Variants in GEMIN5 observed in about 807,000 individuals in gnomAD.
The protein encoded by GEMIN5 is gem nuclear organelle associated protein 5.
In GEMIN5, 124 loss-of-function variants were observed where a neutral mutation model predicts 176.9. The ratio of observed to expected loss-of-function variants is 0.70; its 90% CI spans 0.61 to 0.81. The LOEUF is 0.81. Among genes scored for constraint, GEMIN5 ranks in the 40% least tolerant of loss-of-function variants. The pLI is 0.00. For missense variants in GEMIN5, 1,843 were observed against 1,814.6 expected, an observed-to-expected ratio of 1.02 and a Z score of -0.28; for synonymous variants, 673 against 665.2, an observed-to-expected ratio of 1.01 and a Z score of -0.18.
intron 23 of GEMIN5, among the ~76,000 whole-genome samples, chr5:154,897,724 C>T (rs816742): frequency 0.98 from 149,866 of 152,242 alleles, 73,773 homozygotes; most frequent in African/African-American, 1. Context: ...TAATCTCAAG[C>T]GATCTGCTGC....
chr5:154,927,103 C>A (rs1764056558), intron 7 of GEMIN5, among the ~76,000 whole-genome samples: 1 of 152,020 alleles, frequency 6.6e-6, no homozygotes, highest in Admixed American at 6.6e-5. Flanking sequence ...TAAAACCATC[C>A]TGAGCTGTGG....
chr5:154,899,312 T>TA lies in GEMIN5; in HGVS notation c.3015-3dup, dbSNP rs1763419028. On this transcript the variant is annotated splice_polypyrimidine_tract_variant and splice_region_variant and intron_variant, in intron 21 of 27. Coordinates refer to ENST00000285873, the MANE Select transcript of GEMIN5 (RefSeq NM_015465.5). The stretch of plus-strand genomic sequence containing the variant: ...GCCTTGGCAATCGCAATAGCTTCCC[T>TA]AAAGGCAAGAACAGACCCTTTAGCC... The TA allele has an allele frequency of 1.2e-6, 2 of 1,610,210 alleles. No individual in the cohort carries two copies. Among genetic ancestry groups the TA allele is most frequent in the Middle Eastern group, 1.7e-4 (1 of 6,052 alleles).
chr5:154,917,869 C>G, intron 12 of GEMIN5, 62 bp downstream of exon 12: 1 of 1,046,512 alleles, frequency 9.6e-7, no homozygotes, highest in Admixed American at 1.7e-5. Context: ...TGGCATTAGT[C>G]AGCTTGTGAT....
intron 21 of GEMIN5, among the ~76,000 whole-genome samples, chr5:154,900,112 C>T (rs1763433798): frequency 6.6e-6 from 1 of 152,126 alleles, no homozygotes; most frequent in Non-Finnish European, 1.5e-5. Flanking sequence ...AAACTTGTAC[C>T]TACCACTTGT....
chr5:154,912,947 TG>T lies in GEMIN5; in HGVS notation c.1946del (p.Pro649HisfsTer101). 1 of 1,613,844 alleles carries T rather than the reference TG, an allele frequency of 6.2e-7. No homozygotes were observed. Among genetic ancestry groups the T allele is most frequent in the Non-Finnish European group, 8.5e-7 (1 of 1,179,768 alleles). The stretch of plus-strand genomic sequence containing the variant: ...CAGATACCAGCCTTCCATCATGATG[TG>T]GGCTCCACGCCACACTGGTAATCTT... ...TAKITSVAWS[P>X]HHDGRLVSAS... On this transcript the variant is annotated frameshift_variant, in exon 14 of 28. Coordinates refer to ENST00000285873, the MANE Select transcript of GEMIN5 (RefSeq NM_015465.5). LOFTEE classifies it high-confidence loss of function.
intron 24 of GEMIN5, among the ~76,000 whole-genome samples, chr5:154,893,189 A>T (rs1318910239): frequency 6.7e-6 from 1 of 149,600 alleles, no homozygotes; most frequent in East Asian, 2.0e-4. Context: ...GCAGTTGCTC[A>T]CACCTATAAC....
chr5:154,903,849 TAGAG>T (rs923574509), intron 18 of GEMIN5, among the ~76,000 whole-genome samples: 1 of 151,920 alleles, frequency 6.6e-6, no homozygotes, highest in Non-Finnish European at 1.5e-5. Context: ...TTTTTTTAAA[TAGAG>T]AGAGGGTCTC....
chr5:154,888,050 G>C lies in GEMIN5; in HGVS notation c.*160C>G, dbSNP rs943041242. 3.4e-5 allele frequency: 22 copies of C among 655,938 alleles called. No homozygotes were observed. The highest frequency in any genetic ancestry group is 5.8e-5 in the Non-Finnish European group (22 of 382,528). The allele number at this position is 655,938 out of a possible 1,614,324, so 40.6% of individuals were successfully genotyped here. Reference sequence around the variant, plus strand: ...TAAAGTCAGATCCACCGTTGTCTATGGGTAGGCAGGGTTGATTCAAACTTA... The same window carrying C: ...TAAAGTCAGATCCACCGTTGTCTATCGGTAGGCAGGGTTGATTCAAACTTA... On this transcript the variant is annotated 3_prime_UTR_variant, in exon 28 of 28. Coordinates refer to ENST00000285873, the MANE Select transcript of GEMIN5 (RefSeq NM_015465.5).
intron 18 of GEMIN5, 28 bp downstream of exon 18, chr5:154,904,479 G>C (rs1763529231): frequency 1.2e-6 from 2 of 1,605,464 alleles, no homozygotes; most frequent in Middle Eastern, 1.7e-4. Flanking sequence ...GAAGACTATG[G>C]ATGGGCCAAG....
At chr5:154,900,309 G>A (rs1763436915) in intron 21 of GEMIN5, among the ~76,000 whole-genome samples, 1 of 152,068 alleles carries the variant, frequency 6.6e-6, no homozygotes, top group Non-Finnish European at 1.5e-5. Flanking sequence ...TTGTAGCTGG[G>A]AAAAAAGTGT....
intron 18 of GEMIN5, among the ~76,000 whole-genome samples, chr5:154,903,657 A>G (rs1019594744): frequency 6.6e-6 from 1 of 152,186 alleles, no homozygotes; most frequent in Non-Finnish European, 1.5e-5. Context: ...ATTATGCAAT[A>G]CAGACAAAAC....
chr5:154,896,211 C>G lies in GEMIN5; in HGVS notation c.3478G>C (p.Val1160Leu), dbSNP rs1763348491. The change falls in exon 24 of 28, where the codon GTG (valine) becomes CTG (leucine). Residue 1160 changes from valine (V) to leucine (L), a missense_variant. Coordinates refer to ENST00000285873, the MANE Select transcript of GEMIN5 (RefSeq NM_015465.5). ...AAGATGCTCTTCCACACTGCAGTCA[C>G]CCTCTCCACGAAAGGCCCTTCGGTG... ...TGTEGPFVER[V>L]TAVWKSIFSL... The G allele has an allele frequency of 1.9e-6, 3 of 1,613,952 alleles. No homozygotes were observed. The highest frequency in any genetic ancestry group is 4.5e-5 in the East Asian group (2 of 44,852).
chr5:154,895,089 GAAAAGAAAAGGAA>G (rs1412477191), intron 24 of GEMIN5, among the ~76,000 whole-genome samples: 2 of 149,026 alleles, frequency 1.3e-5, no homozygotes, highest in African/African-American at 2.5e-5. Context: ...CAAAAAGAAA[GAAAAGAAAAGGAA>G]AAAAGAAAAG....
chr5:154,926,237 A>G (rs1764033138), intron 7 of GEMIN5, among the ~76,000 whole-genome samples, 163 bp from the exon 8 acceptor site: 1 of 152,244 alleles, frequency 6.6e-6, no homozygotes, highest in African/African-American at 2.4e-5. Context: ...AAATAGTAAT[A>G]AATTATGTTG....
Position 154,932,391 on chromosome 5 carries a change from A to C in GEMIN5, c.510-141T>G, listed in dbSNP as rs532185920. 138 of 620,984 alleles carry C rather than the reference A, an allele frequency of 2.2e-4. No individual in the cohort carries two copies. In the African/African-American group the frequency reaches 2.5e-3, roughly 11 times the overall value. 38.5% of individuals were successfully genotyped at this position (620,984 alleles called of 1,614,324 possible). On this transcript the variant is annotated intron_variant, in intron 3 of 27. Coordinates refer to ENST00000285873, the MANE Select transcript of GEMIN5 (RefSeq NM_015465.5). ...GGTGGCGGAGGAGGGAAGAGGACAA[A>C]AAATAATTTTGCTTTTTCCTTTTTT...
rs141457910 is a variant in GEMIN5, at chr5:154,889,365, T to G, written c.4315A>C (p.Thr1439Pro). 1 of 1,611,074 alleles carries G rather than the reference T, an allele frequency of 6.2e-7. No individual in the cohort carries two copies. Among genetic ancestry groups the G allele is most frequent in the South Asian group, 1.1e-5 (1 of 90,996 alleles). The change falls in exon 27 of 28, where the codon ACC becomes CCC. Residue 1439 changes from threonine (T) to proline (P), a missense_variant. Transcript: ENST00000285873. Reference sequence around the variant, plus strand: ...TTCGCCATTCTCTGATTTGCCTCGGTAAGCCTTTTGGTTAACTCAGGCAGA... The same window carrying G: ...TTCGCCATTCTCTGATTTGCCTCGGGAAGCCTTTTGGTTAACTCAGGCAGA... ...LSLPELTKRLTEANQRMAKFP... is the reference protein window; with the variant it reads ...LSLPELTKRLPEANQRMAKFP...
chr5:154,920,039 C>G lies in GEMIN5; in HGVS notation c.1527G>C (p.Gln509His), dbSNP rs138345102. The G allele has an allele frequency of 8.1e-5, 131 of 1,610,050 alleles. No individual in the cohort carries two copies. In the African/African-American group the frequency reaches 1.7e-3, roughly 20 times the overall value. The change falls in exon 11 of 28, where the codon CAG becomes CAC. Residue 509 changes from glutamine (Q) to histidine (H), a missense_variant. Transcript: ENST00000285873. ...CTCCACTAAGCTTCCAGGGATTATG[C>G]TGTAAGACAATCCCTTCTCCTCCAC... ...YSCGGEGIVL[Q>H]HNPWKLSGEA...
intron 5 of GEMIN5, among the ~76,000 whole-genome samples, chr5:154,930,701 G>T (rs1413167189): frequency 6.6e-6 from 1 of 152,130 alleles, no homozygotes; most frequent in South Asian, 2.1e-4. Flanking sequence ...AGGGGGAAAT[G>T]GAGAGTAGAA....
chr5:154,901,113 C>T (rs761144694), intron 21 of GEMIN5, among the ~76,000 whole-genome samples: 2 of 152,130 alleles, frequency 1.3e-5, no homozygotes, highest in Non-Finnish European at 2.9e-5. Flanking sequence ...ATCGCTTGAG[C>T]CCAGGAGTTG....
Sources: gnomAD v4.1 joint callset for allele counts (sites outside exome capture counted in the v4.1 genomes callset) on GRCh38, gnomAD v4.1.1 for gene constraint, MANE v1.5 for transcripts, NCBI Gene and HGNC (gene_info 2026-07-23, HGNC 2026-07-21) for gene names.